CAMK2A: variants seen among roughly 807,000 people sequenced by gnomAD.
The protein encoded by CAMK2A is calcium/calmodulin dependent protein kinase II alpha, also known as calcium/calmodulin-dependent protein kinase type II subunit alpha.
Under a neutral mutation model 79.2 loss-of-function variants are expected in CAMK2A, and 7 were observed. The observed-to-expected ratio is 0.09, with a 90% CI of 0.05 to 0.17. CAMK2A has a LOEUF of 0.17. CAMK2A is among the 10% of genes least tolerant of loss of function. The pLI is 1.00. For missense variants in CAMK2A, 214 were observed against 646.4 expected, an observed-to-expected ratio of 0.33 and a Z score of 7.25; for synonymous variants, 242 against 251.7, an observed-to-expected ratio of 0.96 and a Z score of 0.36.
At chr5:150,233,124 C>G (rs893776813) in intron 15 of CAMK2A, among the ~76,000 whole-genome samples, 1 of 152,210 alleles carries the variant, frequency 6.6e-6, no homozygotes, top group African/African-American at 2.4e-5. Flanking sequence ...GAGCCTGGAA[C>G]AGGCTTGGCC....
At chr5:150,233,788 T>G (rs935274246) in intron 15 of CAMK2A, among the ~76,000 whole-genome samples, 5 of 152,072 alleles carry the variant, frequency 3.3e-5, no homozygotes, top group African/African-American at 4.8e-5. Context: ...CTCTTTTGTT[T>G]GTTTGTGTTT....
chr5:150,247,854 G>C (rs761980620), intron 11 of CAMK2A, 40 bp from the exon 12 acceptor site: 1 of 1,578,874 alleles, frequency 6.3e-7, no homozygotes, highest in South Asian at 1.1e-5. Context: ...GAGGAGGCCG[G>C]AGTGAAGGGA....
intron 11 of CAMK2A, among the ~76,000 whole-genome samples, chr5:150,248,340 ATATATTATAT>A (rs1755666669): frequency 6.8e-6 from 1 of 147,448 alleles, no homozygotes; most frequent in South Asian, 2.1e-4. Flanking sequence ...ATATATATAT[ATATATTATAT>A]AATACTTTAA....
Position 150,238,691 on chromosome 5 carries a change from C to A in CAMK2A, c.1066+9G>T. ...CTAAGGGGTCCCGACACTGAAGGCC[C>A]CTCCCTACCTTTGGTGTCTTCATCC... On this transcript the variant is annotated intron_variant, in intron 15 of 18. Coordinates refer to ENST00000671881, the MANE Select transcript of CAMK2A (RefSeq NM_015981.4). 1 of 1,602,448 alleles carries A rather than the reference C, an allele frequency of 6.2e-7. No individual in the cohort carries two copies. Among genetic ancestry groups the A allele is most frequent in the East Asian group, 2.2e-5 (1 of 44,578 alleles).
chr5:150,286,064 C>T (rs932040377), intron 1 of CAMK2A, among the ~76,000 whole-genome samples: 4 of 152,296 alleles, frequency 2.6e-5, no homozygotes, highest in African/African-American at 9.6e-5. Context: ...TCTGGCCTGA[C>T]CACTTCAGTC....
chr5:150,251,556 G>A (rs1755833720), intron 9 of CAMK2A, among the ~76,000 whole-genome samples, 194 bp downstream of exon 9: 1 of 152,166 alleles, frequency 6.6e-6, no homozygotes, highest in Non-Finnish European at 1.5e-5. Context: ...CTCCATTTTG[G>A]TGCTGCTTCT....
At position 150,284,601 on chromosome 5, in the gene CAMK2A, C is replaced by T. The variant is rs1038678759; in HGVS notation, c.62+4963G>A. Among the ~76,000 whole-genome samples, 1 of 152,160 alleles carries T rather than the reference C, an allele frequency of 6.6e-6. No individual in the cohort carries two copies. Among genetic ancestry groups the T allele is most frequent in the African/African-American group, 2.4e-5 (1 of 41,436 alleles). ...GCTGCAGCGTGCACCAGAACATGTGCGTGCCTGCCGCTCTGATGGCTTGGA... is the reference window on the plus strand; with the variant it reads ...GCTGCAGCGTGCACCAGAACATGTGTGTGCCTGCCGCTCTGATGGCTTGGA... On this transcript the variant is annotated intron_variant, in intron 1 of 18. Coordinates refer to ENST00000671881, the MANE Select transcript of CAMK2A (RefSeq NM_015981.4). The surrounding 1 kb of genome is among the most constrained non-coding windows in gnomAD (Gnocchi z 5.3).
chr5:150,263,312 A>G (rs1320940375), intron 3 of CAMK2A, among the ~76,000 whole-genome samples: 1 of 152,104 alleles, frequency 6.6e-6, no homozygotes, highest in African/African-American at 2.4e-5. Flanking sequence ...TTGACCTGAG[A>G]TAGCTGCAGT....
chr5:150,257,441 C>A, intron 4 of CAMK2A, 122 bp downstream of exon 4: 1 of 814,976 alleles, frequency 1.2e-6, no homozygotes, highest in South Asian at 1.5e-5. Flanking sequence ...GGTGGCAGGC[C>A]CACCACATTT....
intron 3 of CAMK2A, 97 bp from the exon 4 acceptor site, chr5:150,257,714 C>T: frequency 2.1e-6 from 2 of 950,258 alleles, no homozygotes; most frequent in East Asian, 5.2e-5. Context: ...ACACCCCCCG[C>T]TCCCAGACAG....
chr5:150,238,692 C>T lies in CAMK2A; in HGVS notation c.1066+8G>A. The T allele has an allele frequency of 1.2e-6, 2 of 1,603,060 alleles. No homozygotes were observed. The highest frequency in any genetic ancestry group is 1.7e-6 in the Non-Finnish European group (2 of 1,173,610). On this transcript the variant is annotated splice_region_variant and intron_variant, in intron 15 of 18. Transcript: ENST00000671881. ...TAAGGGGTCCCGACACTGAAGGCCCCTCCCTACCTTTGGTGTCTTCATCCT... is the reference window on the plus strand; with the variant it reads ...TAAGGGGTCCCGACACTGAAGGCCCTTCCCTACCTTTGGTGTCTTCATCCT...
At chr5:150,237,197 C>G (rs1024823178) in intron 15 of CAMK2A, among the ~76,000 whole-genome samples, 1 of 152,156 alleles carries the variant, frequency 6.6e-6, no homozygotes, top group Non-Finnish European at 1.5e-5. Context: ...CAGGAGGCAG[C>G]CTTGGTATGT....
rs2288799 is a variant in CAMK2A, at chr5:150,251,850, A to G, written c.599-6T>C. Reference sequence around the variant, plus strand: ...CAGGATGTACAGGATGACCCCTGGAAAGAGGACCAGAGAACCTTCAACCCC... The same window carrying G: ...CAGGATGTACAGGATGACCCCTGGAGAGAGGACCAGAGAACCTTCAACCCC... On this transcript the variant is annotated splice_region_variant and splice_polypyrimidine_tract_variant and intron_variant, in intron 8 of 18. Transcript: ENST00000671881. 0.48 allele frequency: 769,420 copies of G among 1,594,086 alleles called. 191,019 individuals carry two copies. The highest frequency in any genetic ancestry group is 0.8 in the African/African-American group (59,261 of 74,528).
chr5:150,238,608 G>T, intron 15 of CAMK2A, 92 bp downstream of exon 15: 1 of 1,210,470 alleles, frequency 8.3e-7, no homozygotes, highest in Non-Finnish European at 1.2e-6. Context: ...CAAGAAATGA[G>T]GTTGGCACGT....
chr5:150,256,655 G>C lies in CAMK2A; in HGVS notation c.339-10C>G, dbSNP rs372015008. On this transcript the variant is annotated splice_polypyrimidine_tract_variant and intron_variant, in intron 5 of 18. Transcript: ENST00000671881. The surrounding 1 kb of genome is among the most constrained non-coding windows in gnomAD (Gnocchi z 4.6). ...CTGCTGGATACAGTGACTAGGGAGAGAGAGAGGAAGGGGTCATGGTGGTGT... is the reference window on the plus strand; with the variant it reads ...CTGCTGGATACAGTGACTAGGGAGACAGAGAGGAAGGGGTCATGGTGGTGT... 22 of 1,613,512 alleles carry C rather than the reference G, an allele frequency of 1.4e-5. No individual in the cohort carries two copies. Among genetic ancestry groups the C allele is most frequent in the Non-Finnish European group, 1.7e-5 (20 of 1,179,570 alleles).
At chr5:150,253,598 G>A (rs1172018632) in intron 6 of CAMK2A, 52 bp from the exon 7 acceptor site, 2 of 1,469,830 alleles carry the variant, frequency 1.4e-6, no homozygotes, top group Admixed American at 1.7e-5. Flanking sequence ...CCAAGAGACA[G>A]TCAGCAGATT....
At chr5:150,283,455 T>A (rs1373092625) in intron 1 of CAMK2A, among the ~76,000 whole-genome samples, 1 of 152,024 alleles carries the variant, frequency 6.6e-6, no homozygotes, top group Admixed American at 6.6e-5. Flanking sequence ...GCTCATTGCA[T>A]CCTCAGACTC....
At chr5:150,242,445 C>T (rs1331636014) in intron 13 of CAMK2A, among the ~76,000 whole-genome samples, 2 of 152,170 alleles carry the variant, frequency 1.3e-5, no homozygotes, top group South Asian at 2.1e-4. Context: ...ATTCCTGCAG[C>T]GCTGAAGCCA....
chr5:150,252,234 A>C lies in CAMK2A; in HGVS notation c.515-169T>G, dbSNP rs1346629035. On this transcript the variant is annotated intron_variant, in intron 7 of 18. Coordinates refer to ENST00000671881, the MANE Select transcript of CAMK2A (RefSeq NM_015981.4). The stretch of plus-strand genomic sequence containing the variant: ...TGTATTGTGCAACCCCAGTCGGCCC[A>C]AGACATAAGCCTGATGAGCCAGCAA... 4.6e-5 allele frequency among the ~76,000 whole-genome samples: 7 copies of C among 152,148 alleles called. 1 individual carries two copies.
Sources: gnomAD v4.1 joint callset for allele counts (sites outside exome capture counted in the v4.1 genomes callset) on GRCh38, gnomAD v4.1.1 for gene constraint, Gnocchi (gnomAD v3.1) non-coding constraint, MANE v1.5 for transcripts, NCBI Gene and HGNC (gene_info 2026-07-23, HGNC 2026-07-21) for gene names.